NRAS: variants seen among roughly 807,000 people sequenced by gnomAD.
The protein encoded by NRAS is GTPase NRas.
In NRAS, 6 loss-of-function variants were observed where a neutral mutation model predicts 21.3. The ratio of observed to expected loss-of-function variants is 0.28; its 90% CI spans 0.15 to 0.56. The LOEUF (loss-of-function observed/expected upper bound fraction) is 0.56. Ranked by LOEUF, NRAS falls within the 20% of genes least tolerant of loss-of-function variation. The probability of loss-of-function intolerance (pLI) is 0.93; values close to 1 mark genes in which losing one functional copy is unlikely to be tolerated. For missense variants in NRAS, 143 were observed against 231.3 expected (o/e 0.62, Z 2.48); for synonymous variants, 84 against 82.0 (o/e 1.02, Z -0.13).
intron 3 of NRAS, among the ~76,000 whole-genome samples, chr1:114,711,862 G>A (rs1659053542): frequency 6.6e-6 from 1 of 152,134 alleles, no homozygotes; most frequent in South Asian, 2.1e-4. Flanking sequence ...GTCTATATCT[G>A]TACTGTTCAA....
At position 114,713,785 on chromosome 1, in the gene NRAS, T is replaced by G. The variant is rs373417606; in HGVS notation, c.290+15A>C. The G allele has an allele frequency of 1.2e-6, 2 of 1,602,898 alleles. No homozygotes were observed. Among genetic ancestry groups the G allele is most frequent in the African/African-American group, 1.3e-5 (1 of 74,830 alleles). On this transcript the variant is annotated intron_variant, in intron 3 of 6. Transcript: ENST00000369535. ...ACAAAGATCATCCTTTCAGAGAAAA[T>G]AATGCTCCTAGTACCTGTAGAGGTT...
rs1263697284 is a variant in NRAS, at chr1:114,704,949, G to A, written c.*3145C>T. 4 of 152,174 alleles carry A rather than the reference G, an allele frequency of 2.6e-5. 1 individual carries two copies. The highest frequency in any genetic ancestry group is 9.7e-5 in the African/African-American group (4 of 41,448). The allele number at this position is 152,174 out of a possible 1,614,324, so 9.4% of individuals were successfully genotyped here. On this transcript the variant is annotated 3_prime_UTR_variant, in exon 7 of 7. Transcript: ENST00000369535. Reference sequence around the variant, plus strand: ...CAAGAATTATAGTCCCTTGTTTATAGAAACCATCCAAATAAAATATTTTCC... The same window carrying A: ...CAAGAATTATAGTCCCTTGTTTATAAAAACCATCCAAATAAAATATTTTCC...
chr1:114,709,563 C>A lies in NRAS; in HGVS notation c.450+6G>T, dbSNP rs1658995392. 6.2e-7 allele frequency: 1 copy of A among 1,613,122 alleles called. No homozygotes were observed. On this transcript the variant is annotated splice_donor_region_variant and intron_variant, in intron 4 of 6. Transcript: ENST00000369535. The stretch of plus-strand genomic sequence containing the variant: ...TCTTGCACAAATGCTGAAAGCTGTA[C>A]CATACCTGTCTGGTCTTGGCTGAGG...
chr1:114,716,620 C>A (rs1410281718), intron 1 of NRAS, 38 bp downstream of exon 1: 1 of 300,720 alleles, frequency 3.3e-6, no homozygotes, highest in Non-Finnish European at 6.5e-6. Context: ...GAACATTCCA[C>A]AGCCCAAAGC....
At chr1:114,716,305 G>C in intron 1 of NRAS, 128 bp from the exon 2 acceptor site, 1 of 711,552 alleles carries the variant, frequency 1.4e-6, no homozygotes, top group Non-Finnish European at 2.6e-6. Context: ...ACTAGAGAAC[G>C]CAAAAACACC....
At position 114,708,045 on chromosome 1, in the gene NRAS, G is replaced by C. The variant is rs1371884865; in HGVS notation, c.*49C>G. ...CAGGGAAGTCAGGACCAGGGTGTCA[G>C]TGCAGCTGAAATAGAAACAGAATTT... is the stretch of plus-strand genomic sequence containing the variant. On this transcript the variant is annotated 3_prime_UTR_variant, in exon 7 of 7. Coordinates refer to ENST00000369535, the MANE Select transcript of NRAS (RefSeq NM_002524.5). 2 of 176,014 alleles carry C rather than the reference G, an allele frequency of 1.1e-5. No individual in the cohort carries two copies. Among genetic ancestry groups the C allele is most frequent in the Non-Finnish European group, 2.4e-5 (2 of 81,904 alleles). The allele number at this position is 176,014 out of a possible 1,614,324, so 10.9% of individuals were successfully genotyped here.
intron 4 of NRAS, 68 bp downstream of exon 4, chr1:114,709,501 A>G: frequency 8.1e-7 from 1 of 1,237,388 alleles, no homozygotes; most frequent in Non-Finnish European, 1.2e-6. Context: ...ATGAATATGG[A>G]TCACATCTCT....
At position 114,716,193 on chromosome 1, in the gene NRAS, A is replaced by T; in HGVS notation, c.-17-16T>A. ...CAGCAAGAACCTGTTGGAAACCAGTAATCAGGGTTAATTGGCGAGCCACAT... is the reference window on the plus strand; with the variant it reads ...CAGCAAGAACCTGTTGGAAACCAGTTATCAGGGTTAATTGGCGAGCCACAT... On this transcript the variant is annotated splice_polypyrimidine_tract_variant and intron_variant, in intron 1 of 6. Coordinates refer to ENST00000369535, the MANE Select transcript of NRAS (RefSeq NM_002524.5). 7.1e-7 allele frequency: 1 copy of T among 1,415,696 alleles called. No homozygotes were observed. The highest frequency in any genetic ancestry group is 2.3e-5 in the East Asian group (1 of 43,978). The allele number at this position is 1,415,696 out of a possible 1,614,324, so 87.7% of individuals were successfully genotyped here. A position where few individuals can be genotyped will look rare whatever the true frequency, so the allele number is the denominator to read the frequency against.
intron 1 of NRAS, 68 bp from the exon 2 acceptor site, chr1:114,716,245 T>C: frequency 1.1e-6 from 1 of 929,858 alleles, no homozygotes; most frequent in Non-Finnish European, 1.8e-6. Flanking sequence ...CTTTCTATAA[T>C]CAATGGAAAT....
intron 3 of NRAS, among the ~76,000 whole-genome samples, chr1:114,710,663 T>C (rs1243148085): frequency 6.6e-6 from 1 of 152,172 alleles, no homozygotes; most frequent in Non-Finnish European, 1.5e-5. Flanking sequence ...GTAGCCCTAT[T>C]AACTTGTAGT....
intron 3 of NRAS, among the ~76,000 whole-genome samples, chr1:114,710,520 A>C (rs1659022110): frequency 6.6e-6 from 1 of 151,216 alleles, no homozygotes; most frequent in Non-Finnish European, 1.5e-5. Flanking sequence ...AAGAAAAGAA[A>C]GGGAAGAAAG....
At chr1:114,708,921 G>A (rs1369659888) in intron 4 of NRAS, among the ~76,000 whole-genome samples, 4 of 152,182 alleles carry the variant, frequency 2.6e-5, no homozygotes, top group African/African-American at 9.7e-5. Flanking sequence ...TGAGAAACAC[G>A]GAACAAAACT....
intron 3 of NRAS, among the ~76,000 whole-genome samples, chr1:114,713,184 T>C (rs1659081085): frequency 1.3e-5 from 2 of 152,192 alleles, no homozygotes; most frequent in African/African-American, 4.8e-5. Context: ...TTTTATTTTT[T>C]ATTTTTTTTG....
intron 4 of NRAS, 118 bp downstream of exon 4, chr1:114,709,443 TAAAAAATA>T: frequency 2.4e-6 from 2 of 822,982 alleles, no homozygotes; most frequent in East Asian, 2.7e-5. Context: ...TAAAAAAAAA[TAAAAAATA>T]AAAAAATAAA....
intron 3 of NRAS, among the ~76,000 whole-genome samples, chr1:114,710,571 G>T (rs1027799010): frequency 3.3e-5 from 5 of 151,810 alleles, no homozygotes; most frequent in African/African-American, 1.2e-4. Flanking sequence ...AAGTGAGAGC[G>T]AGAGAAAGAG....
intron 4 of NRAS, among the ~76,000 whole-genome samples, 192 bp downstream of exon 4, chr1:114,709,377 G>A (rs1273952052): frequency 6.6e-6 from 1 of 152,028 alleles, no homozygotes; most frequent in South Asian, 2.1e-4. Context: ...AGAGGCTGCA[G>A]TGAGCTGAGA....
Position 114,705,925 on chromosome 1 carries a change from GTAAC to G in NRAS, c.*2165_*2168del, listed in dbSNP as rs1288930335. The G allele has an allele frequency of 6.6e-6, 1 of 152,208 alleles. No homozygotes were observed. The highest frequency in any genetic ancestry group is 1.5e-5 in the Non-Finnish European group (1 of 68,044). The allele number at this position is 152,208 out of a possible 1,614,324, so 9.4% of individuals were successfully genotyped here. A position where few individuals can be genotyped will look rare whatever the true frequency, so the allele number is the denominator to read the frequency against. ...CTATTGGCACAAGAGCCCAAGATGA[GTAAC>G]TATCTTTCTCCCTAATTTGACATCA... On this transcript the variant is annotated 3_prime_UTR_variant, in exon 7 of 7. Coordinates refer to ENST00000369535, the MANE Select transcript of NRAS (RefSeq NM_002524.5).
intron 3 of NRAS, among the ~76,000 whole-genome samples, chr1:114,710,283 TAA>T (rs1329234546): frequency 3.9e-5 from 3 of 76,526 alleles, no homozygotes; most frequent in Admixed American, 2.3e-4. Context: ...ATATAATTTA[TAA>T]TATATAAATA....
In NRAS at chr1:114,713,986, T is replaced by A. The variant is rs9724626; in HGVS notation, c.112-8A>T. On this transcript the variant is annotated splice_polypyrimidine_tract_variant and splice_region_variant and intron_variant, in intron 2 of 6. Coordinates refer to ENST00000369535, the MANE Select transcript of NRAS (RefSeq NM_002524.5). The stretch of plus-strand genomic sequence containing the variant: ...TTGTTTTCTGTAAGAATCCTGGGGG[T>A]GTGGAGGGTAAGGGGGCAGGGAGGG... 1 of 1,340,624 alleles carries A rather than the reference T, an allele frequency of 7.5e-7. No individual in the cohort carries two copies. 83.0% of individuals were successfully genotyped at this position (1,340,624 alleles called of 1,614,324 possible). A position where few individuals can be genotyped will look rare whatever the true frequency, so the allele number is the denominator to read the frequency against.
Sources: allele counts gnomAD v4.1 joint callset (sites outside exome capture counted in the v4.1 genomes callset), GRCh38; gene constraint gnomAD v4.1.1; transcripts MANE v1.5; gene names NCBI Gene and HGNC (gene_info 2026-07-23, HGNC 2026-07-21).